The following KCND3 variants were observed in gnomAD, a reference collection of about 807,000 sequenced individuals.
The protein encoded by KCND3 is potassium voltage-gated channel subfamily D member 3, also known as A-type voltage-gated potassium channel KCND3.
Under a neutral mutation model 51.1 loss-of-function variants are expected in KCND3, and 9 were observed. The observed-to-expected ratio is 0.18, with a 90% CI of 0.11 to 0.31. The LOEUF is 0.31. Ranked by LOEUF, KCND3 falls within the 10% of genes least tolerant of loss-of-function variation. The probability of loss-of-function intolerance (pLI) is 1.00; values close to 1 mark genes in which losing one functional copy is unlikely to be tolerated. For missense variants in KCND3, 526 were observed against 903.8 expected (o/e 0.58, Z 5.36); for synonymous variants, 349 against 368.0 (o/e 0.95, Z 0.59).
At chr1:111,832,723 T>C (rs1666894903) in intron 2 of KCND3, among the ~76,000 whole-genome samples, 2 of 152,114 alleles carry the variant, frequency 1.3e-5, no homozygotes, top group African/African-American at 2.4e-5. Flanking sequence ...GAATGATAAA[T>C]GTGATGCCGA....
chr1:111,966,712 C>A (rs1674010004), intron 2 of KCND3, among the ~76,000 whole-genome samples: 1 of 152,232 alleles, frequency 6.6e-6, no homozygotes, highest in Admixed American at 6.5e-5. Flanking sequence ...CCTTCCAGAA[C>A]TGTTTCATAA....
intron 2 of KCND3, among the ~76,000 whole-genome samples, chr1:111,968,159 T>C (rs1349999573): frequency 6.6e-6 from 1 of 152,204 alleles, no homozygotes; most frequent in Non-Finnish European, 1.5e-5. Context: ...ACTCTGAGCA[T>C]GCCAGCTGGG....
chr1:111,872,601 TG>T (rs1668875539), intron 2 of KCND3, among the ~76,000 whole-genome samples: 2 of 150,722 alleles, frequency 1.3e-5, no homozygotes, highest in Admixed American at 1.3e-4. Flanking sequence ...GGAGAAAGAG[TG>T]TTTTTTTATG....
At chr1:111,884,738 G>A (rs985073878) in intron 2 of KCND3, among the ~76,000 whole-genome samples, 1 of 152,206 alleles carries the variant, frequency 6.6e-6, no homozygotes, top group Non-Finnish European at 1.5e-5. Flanking sequence ...GCATGTTAAT[G>A]TAACTGTTGA....
intron 2 of KCND3, among the ~76,000 whole-genome samples, chr1:111,794,310 A>G (rs1571647515): frequency 6.6e-6 from 1 of 152,202 alleles, no homozygotes. Context: ...GTGCCAAGAG[A>G]TAAGTGCAAG....
intron 2 of KCND3, among the ~76,000 whole-genome samples, chr1:111,801,372 A>C (rs1665300120): frequency 1.3e-5 from 2 of 152,344 alleles, no homozygotes; most frequent in South Asian, 4.1e-4. Flanking sequence ...AAGTCCACAG[A>C]GGTGACAGGG....
At chr1:111,921,583 G>A (rs1671477705) in intron 2 of KCND3, among the ~76,000 whole-genome samples, 1 of 152,230 alleles carries the variant, frequency 6.6e-6, no homozygotes, top group Non-Finnish European at 1.5e-5. Context: ...CGCCAATCAT[G>A]AGAAAGTGGG....
chr1:111,860,487 T>C (rs1668287474), intron 2 of KCND3, among the ~76,000 whole-genome samples: 1 of 152,276 alleles, frequency 6.6e-6, no homozygotes, highest in African/African-American at 2.4e-5. Flanking sequence ...GAAGAGGTGT[T>C]CAGGAGAGGG....
At chr1:111,962,781 T>A (rs570341612) in intron 2 of KCND3, among the ~76,000 whole-genome samples, 1 of 152,346 alleles carries the variant, frequency 6.6e-6, no homozygotes, top group Admixed American at 6.5e-5. Context: ...CAATGTGATG[T>A]TGCTGCTTCT....
At chr1:111,869,056 C>T (rs1165328100) in intron 2 of KCND3, among the ~76,000 whole-genome samples, 1 of 152,144 alleles carries the variant, frequency 6.6e-6, no homozygotes, top group African/African-American at 2.4e-5. Flanking sequence ...CCTTAAGCTC[C>T]ACACCATACT....
chr1:111,883,415 C>T (rs1485115554), intron 2 of KCND3, among the ~76,000 whole-genome samples: 3 of 152,232 alleles, frequency 2.0e-5, no homozygotes, highest in Admixed American at 6.5e-5. Flanking sequence ...TCTTCTCTTT[C>T]GTTTTTGCCC....
In KCND3 at chr1:111,907,765, T is replaced by A. The variant is rs563345039; in HGVS notation, c.1106+73856A>T. 2.0e-5 allele frequency among the ~76,000 whole-genome samples: 3 copies of A among 152,378 alleles called. No homozygotes were observed. The South Asian group carries it at 6.2e-4, about 32-fold the overall frequency. On this transcript the variant is annotated intron_variant, in intron 2 of 7. Coordinates refer to ENST00000302127, the MANE Select transcript of KCND3 (RefSeq NM_001378969.1). ...CTGTGAGCATAGCACCTAATAGGGC[T>A]TAGAACAGACCAGTGGACTGGAAAG...
At chr1:111,969,774 C>T (rs971085685) in intron 2 of KCND3, among the ~76,000 whole-genome samples, 5 of 152,152 alleles carry the variant, frequency 3.3e-5, no homozygotes, top group African/African-American at 9.7e-5. Context: ...TGGCTAACAA[C>T]CCTAAAGAGA....
intron 2 of KCND3, among the ~76,000 whole-genome samples, chr1:111,927,028 A>G (rs1671734348): frequency 6.6e-6 from 1 of 152,200 alleles, no homozygotes; most frequent in Non-Finnish European, 1.5e-5. Flanking sequence ...TATGCTGCTA[A>G]GTGCTTTATG....
chr1:111,848,811 G>A (rs1384291937), intron 2 of KCND3, among the ~76,000 whole-genome samples: 1 of 152,228 alleles, frequency 6.6e-6, no homozygotes, highest in East Asian at 1.9e-4. Context: ...ATGACGTGAG[G>A]TGGGCACAGG....
chr1:111,838,647 A>T (rs1667184425), intron 2 of KCND3, among the ~76,000 whole-genome samples: 1 of 152,072 alleles, frequency 6.6e-6, no homozygotes. Flanking sequence ...ACAGAGCGAG[A>T]GTCCGTCTCA....
rs1449015705 is a variant in KCND3, at chr1:111,866,266, T to TTTA, written c.1107-79161_1107-79160insTAA. ...CTTTCTTTCTTTCTTTTCTTTTCTT[T>TTTA]TTTTTTTTTTTTTTGACAAGGTCTG... On this transcript the variant is annotated intron_variant, in intron 2 of 7. Transcript: ENST00000302127. Among the ~76,000 whole-genome samples, 350 of 45,502 alleles carry TTTA rather than the reference T, an allele frequency of 7.7e-3. 3 individuals carry two copies. The highest frequency in any genetic ancestry group is 0.022 in the Non-Finnish European group (290 of 13,406). 29.9% of individuals were successfully genotyped at this position (45,502 alleles called of 152,430 possible).
At chr1:111,917,212 T>C (rs1671260655) in intron 2 of KCND3, among the ~76,000 whole-genome samples, 2 of 152,252 alleles carry the variant, frequency 1.3e-5, no homozygotes. Flanking sequence ...TGATCATTTC[T>C]ATTTACCATT....
intron 2 of KCND3, among the ~76,000 whole-genome samples, chr1:111,805,039 G>T (rs2101556838): frequency 6.6e-6 from 1 of 152,308 alleles, no homozygotes; most frequent in African/African-American, 2.4e-5. Flanking sequence ...CCAGCTGCAG[G>T]GTGGCGGGTG....
Sources: gnomAD v4.1 joint callset for allele counts (sites outside exome capture counted in the v4.1 genomes callset) on GRCh38, gnomAD v4.1.1 for gene constraint, MANE v1.5 for transcripts, NCBI Gene and HGNC (gene_info 2026-07-23, HGNC 2026-07-21) for gene names.